KCNT1: variants seen among roughly 807,000 people sequenced by gnomAD.
KCNT1 encodes the protein potassium channel subfamily T member 1.
In KCNT1, 78 loss-of-function variants were observed where a neutral mutation model predicts 147.8. The observed-to-expected ratio is 0.53, with a 90% confidence interval of 0.44 to 0.64. The LOEUF (loss-of-function observed/expected upper bound fraction) is 0.64, where lower values mean the gene tolerates loss of function less well. KCNT1 is among the 30% of genes least tolerant of loss of function. The pLI is 0.00. For synonymous variants in KCNT1, 867 were observed against 748.8 expected (o/e 1.16, Z -2.58); for missense variants, 1,419 against 1,750.3 (o/e 0.81, Z 3.38).
At chr9:135,705,152 C>A (rs559865531) in intron 1 of KCNT1, among the ~76,000 whole-genome samples, 3 of 152,310 alleles carry the variant, frequency 2.0e-5, no homozygotes, top group South Asian at 2.1e-4. Context: ...AGTAGTGGGG[C>A]CTTGCTGTGG....
intron 22 of KCNT1, 77 bp downstream of exon 22, chr9:135,778,572 C>A: frequency 6.2e-7 from 1 of 1,602,602 alleles, no homozygotes. Context: ...TGGGGTGACC[C>A]CGACCGCAGG....
At chr9:135,715,462 G>A (rs887183592) in intron 2 of KCNT1, among the ~76,000 whole-genome samples, 1 of 150,700 alleles carries the variant, frequency 6.6e-6, no homozygotes, top group South Asian at 2.1e-4. Flanking sequence ...GGACTCACGC[G>A]GAGCTGGAGC....
chr9:135,732,231 C>A (rs2131364465), intron 2 of KCNT1, among the ~76,000 whole-genome samples: 1 of 152,094 alleles, frequency 6.6e-6, no homozygotes, highest in African/African-American at 2.4e-5. Context: ...GTTGGTTAGG[C>A]TGGTGTTGAA....
chr9:135,790,137 T>G (rs1297233821), intron 29 of KCNT1: 1 of 151,444 alleles, frequency 6.6e-6, no homozygotes, highest in Non-Finnish European at 1.5e-5. Flanking sequence ...CGGAGTGAAA[T>G]GAGCTGGTGG....
At chr9:135,753,852 C>A in intron 4 of KCNT1, 85 bp from the exon 5 acceptor site, 1 of 1,461,644 alleles carries the variant, frequency 6.8e-7, no homozygotes, top group Non-Finnish European at 9.6e-7. Context: ...CCCATGAACC[C>A]GAGCCTGTGG....
rs1035980360 is a variant in KCNT1 at position 135,770,051 on chromosome 9, G to A, written c.1615G>A (p.Gly539Ser). ...CACCCTGCTGGTGCACACGTCCCGCGGCCAGTGAGTGCCCCGTGCCCCGGG... is the reference window on the plus strand; with the variant it reads ...CACCCTGCTGGTGCACACGTCCCGCAGCCAGTGAGTGCCCCGTGCCCCGGG... Reference protein sequence around the residue: ...LITLLVHTSRGQEGQESPEQW... With the variant: ...LITLLVHTSRSQEGQESPEQW... The change falls in exon 16 of 31, where the codon GGC becomes AGC. Residue 539 changes from glycine to serine, a missense_variant. Physicochemically the swap from Gly to Ser is moderately conservative, Grantham distance 56 (BLOSUM62 0). Transcript: ENST00000371757. The A allele has an allele frequency of 5.8e-6, 9 of 1,549,752 alleles. No homozygotes were observed. The highest frequency in any genetic ancestry group is 7.8e-6 in the Non-Finnish European group (9 of 1,147,116).
At chr9:135,775,243 G>GGGGGCCCCAGA (rs1445471318) in intron 19 of KCNT1, 67 bp from the exon 20 acceptor site, 6 of 1,271,864 alleles carry the variant, frequency 4.7e-6, no homozygotes, top group Admixed American at 2.2e-5. Flanking sequence ...CCAGCCCGAG[G>GGGGGCCCCAGA]GGGGCCCCAG....
chr9:135,712,853 C>T (rs909599844), intron 1 of KCNT1, among the ~76,000 whole-genome samples: 11 of 152,248 alleles, frequency 7.2e-5, no homozygotes, highest in African/African-American at 2.7e-4. Flanking sequence ...TGGCCGTGTG[C>T]TCGCTCAAGT....
chr9:135,755,214 G>T (rs1391875521), intron 6 of KCNT1, 45 bp downstream of exon 6: 2 of 1,564,552 alleles, frequency 1.3e-6, no homozygotes, highest in Admixed American at 3.8e-5. Flanking sequence ...GTGGTGCTCA[G>T]TAAGCACTGA....
At chr9:135,710,828 T>C (rs1014385069) in intron 1 of KCNT1, among the ~76,000 whole-genome samples, 20 of 152,330 alleles carry the variant, frequency 1.3e-4, no homozygotes, top group African/African-American at 4.6e-4. Flanking sequence ...GGCGATTCCC[T>C]TTACCCGTGT....
chr9:135,763,164 C>A (rs1213469600), intron 11 of KCNT1, among the ~76,000 whole-genome samples: 1 of 152,214 alleles, frequency 6.6e-6, no homozygotes, highest in Non-Finnish European at 1.5e-5. Context: ...TGGGCCTGTG[C>A]TGTCCCTGGC....
At chr9:135,728,353 A>G (rs1363556731) in intron 2 of KCNT1, among the ~76,000 whole-genome samples, 4 of 152,174 alleles carry the variant, frequency 2.6e-5, no homozygotes, top group Non-Finnish European at 5.9e-5. Context: ...TTGGAGGGAG[A>G]ACATCGGGGC....
chr9:135,731,958 G>GTGTATATATA (rs1491331867), intron 2 of KCNT1, among the ~76,000 whole-genome samples: 2 of 35,544 alleles, frequency 5.6e-5, no homozygotes, highest in African/African-American at 9.7e-5. Flanking sequence ...TCAAATATGC[G>GTGTATATATA]TGTATATATA....
intron 2 of KCNT1, among the ~76,000 whole-genome samples, chr9:135,724,712 A>G (rs1836060894): frequency 6.6e-6 from 1 of 152,246 alleles, no homozygotes; most frequent in South Asian, 2.1e-4. Flanking sequence ...TCCATCTGAC[A>G]TTGAAACCTC....
intron 2 of KCNT1, among the ~76,000 whole-genome samples, chr9:135,725,394 G>C (rs1396841341): frequency 6.6e-6 from 1 of 152,224 alleles, no homozygotes; most frequent in Non-Finnish European, 1.5e-5. Flanking sequence ...CTTATACGAA[G>C]AGAAGGAACA....
intron 2 of KCNT1, among the ~76,000 whole-genome samples, chr9:135,729,517 C>T (rs1464984224): frequency 6.6e-6 from 1 of 152,236 alleles, no homozygotes; most frequent in Admixed American, 6.5e-5. Context: ...GAAAACCAAG[C>T]TCAGCTGTGC....
chr9:135,714,856 GGGGA>G lies in KCNT1; in HGVS notation c.254+137_254+140del. On this transcript the variant is annotated intron_variant, in intron 2 of 30. Coordinates refer to ENST00000371757, the MANE Select transcript of KCNT1 (RefSeq NM_020822.3). This position sits in a 1 kb window ranked among gnomAD's most constrained non-coding sequence, Gnocchi z 6.2. ...CGCCCTTCAACTTTTCCCGGCTTCTGGGGACGCAGAAGTTTCGGAGGGGGTGCGG... is the reference window on the plus strand; with the variant it reads ...CGCCCTTCAACTTTTCCCGGCTTCTGCGCAGAAGTTTCGGAGGGGGTGCGG... 1.8e-6 allele frequency: 1 copy of G among 559,834 alleles called. No homozygotes were observed. Among genetic ancestry groups the G allele is most frequent in the Non-Finnish European group, 2.4e-6 (1 of 412,068 alleles). The allele number at this position is 559,834 out of a possible 1,614,324, so 34.7% of individuals were successfully genotyped here.
intron 2 of KCNT1, among the ~76,000 whole-genome samples, chr9:135,719,768 A>G (rs1392380984): frequency 1.3e-5 from 2 of 152,088 alleles, no homozygotes; most frequent in Non-Finnish European, 2.9e-5. Context: ...CCCCAAGCTG[A>G]GTGCCCCAAG....
chr9:135,737,619 TGGGGAGATGGGCA>T (rs148341305), intron 2 of KCNT1, among the ~76,000 whole-genome samples: 2,699 of 152,150 alleles, frequency 0.018, 41 homozygotes, highest in South Asian at 0.033. Flanking sequence ...GGGACAAGCA[TGGGGAGATGGGCA>T]GGGGCCTTCC....
Sources: gnomAD v4.1 joint callset for allele counts (sites outside exome capture counted in the v4.1 genomes callset) on GRCh38, gnomAD v4.1.1 for gene constraint, Gnocchi (gnomAD v3.1) non-coding constraint, MANE v1.5 for transcripts, NCBI Gene and HGNC (gene_info 2026-07-23, HGNC 2026-07-21) for gene names.